Variants in ACSL1 observed in about 807,000 individuals in gnomAD.
The protein encoded by ACSL1 is acyl-CoA synthetase long chain family member 1.
A neutral mutation model predicts 98.4 loss-of-function variants in ACSL1; 41 were observed. The ratio of observed to expected loss-of-function variants is 0.42; its 90% CI spans 0.32 to 0.54. The LOEUF (loss-of-function observed/expected upper bound fraction) is 0.54, where lower values mean the gene tolerates loss of function less well. Among genes scored for constraint, ACSL1 ranks in the 20% least tolerant of loss-of-function variants. ACSL1 has a pLI of 0.13. For synonymous variants in ACSL1, 316 were observed against 322.7 expected, an observed-to-expected ratio of 0.98 and a Z score of 0.22; for missense variants, 734 against 883.1, an observed-to-expected ratio of 0.83 and a Z score of 2.14.
At position 184,803,417 on chromosome 4, in the gene ACSL1, A is replaced by C; in HGVS notation, c.98T>G (p.Phe33Cys). Residue 33 changes from phenylalanine to cysteine, a missense_variant, in exon 2 of 21, where the codon TTC becomes TGC. Phe to Cys is a radical substitution (Grantham distance 205, BLOSUM62 -2). Coordinates refer to ENST00000281455, the MANE Select transcript of ACSL1 (RefSeq NM_001995.5). The surrounding 1 kb of genome is among the most constrained non-coding windows in gnomAD (Gnocchi z 4.8). Reference protein sequence around the residue: ...RTLPTNTLMGFGAFAALTTFW... With the variant: ...RTLPTNTLMGCGAFAALTTFW... ...GGTGGTGAGTGCTGCAAAAGCTCCG[A>C]AGCCCATAAGCGTGTTGGTCGGAAG... 1 of 1,614,018 alleles carries C rather than the reference A, an allele frequency of 6.2e-7. No homozygotes were observed. Among genetic ancestry groups the C allele is most frequent in the Non-Finnish European group, 8.5e-7 (1 of 1,179,978 alleles).
At chr4:184,818,263 AG>A (rs1261195663) in intron 1 of ACSL1, among the ~76,000 whole-genome samples, 1 of 152,182 alleles carries the variant, frequency 6.6e-6, no homozygotes, top group Admixed American at 6.5e-5. Flanking sequence ...CAAGAATACC[AG>A]GTAAAGGAAG....
intron 12 of ACSL1, chr4:184,768,048 T>C (rs2150299529): frequency 2.1e-6 from 1 of 478,586 alleles, no homozygotes; most frequent in South Asian, 4.3e-5. Flanking sequence ...TCAAAGTGTT[T>C]ATTGTAAAAA....
At chr4:184,800,078 T>C (rs1384310626) in intron 2 of ACSL1, among the ~76,000 whole-genome samples, 3 of 152,214 alleles carry the variant, frequency 2.0e-5, no homozygotes, top group Non-Finnish European at 4.4e-5. Flanking sequence ...GACTCAGTTT[T>C]CTTGTGTATA....
At chr4:184,780,039 A>G (rs1437320645) in intron 5 of ACSL1, among the ~76,000 whole-genome samples, 2 of 151,962 alleles carry the variant, frequency 1.3e-5, no homozygotes, top group East Asian at 3.9e-4. Flanking sequence ...GGCCTGGCTA[A>G]TTTTGTATTT....
rs1216495810 is a variant in ACSL1 at position 184,766,124 on chromosome 4, C to T, written c.1264-138G>A. On this transcript the variant is annotated intron_variant, in intron 13 of 20. Coordinates refer to ENST00000281455, the MANE Select transcript of ACSL1 (RefSeq NM_001995.5). The surrounding 1 kb of genome is among the most constrained non-coding windows in gnomAD (Gnocchi z 4.8). ...ACACGGAGGCCACACGGAGAACTCA[C>T]AGCCCTCATGATGGCAGCACAGGGC... 8 of 738,282 alleles carry T rather than the reference C, an allele frequency of 1.1e-5. No individual in the cohort carries two copies. Among genetic ancestry groups the T allele is most frequent in the Non-Finnish European group, 1.8e-5 (8 of 443,578 alleles). The allele number at this position is 738,282 out of a possible 1,614,324, so 45.7% of individuals were successfully genotyped here. A position where few individuals can be genotyped will look rare whatever the true frequency, so the allele number is the denominator to read the frequency against.
At chr4:184,767,955 C>T (rs1043202885) in intron 12 of ACSL1, 16 of 370,124 alleles carry the variant, frequency 4.3e-5, no homozygotes, top group African/African-American at 1.3e-4. Context: ...ACTATTCTTA[C>T]GTGATCCCAT....
intron 18 of ACSL1, chr4:184,758,145 A>T: frequency 2.0e-6 from 1 of 511,680 alleles, no homozygotes; most frequent in South Asian, 3.1e-5. Flanking sequence ...TAATGTTTTT[A>T]AAAAACCACT....
At chr4:184,787,345 G>C (rs570519780) in intron 3 of ACSL1, among the ~76,000 whole-genome samples, 7 of 152,338 alleles carry the variant, frequency 4.6e-5, no homozygotes, top group East Asian at 1.9e-4. Context: ...CTCGGGCTAG[G>C]GGGGCAGAAT....
At chr4:184,769,070 AATATATATATAT>A (rs34360556) in intron 11 of ACSL1, among the ~76,000 whole-genome samples, 3 of 147,652 alleles carry the variant, frequency 2.0e-5, no homozygotes, top group African/African-American at 7.6e-5. Context: ...CTCTGTCTCA[AATATATATATAT>A]ATATATATAT....
rs1374812509 is a variant in ACSL1, at chr4:184,780,992, AC to A, written c.376-560del. Among the ~76,000 whole-genome samples, 3 of 149,534 alleles carry A rather than the reference AC, an allele frequency of 2.0e-5. No homozygotes were observed. In the East Asian group the frequency reaches 5.9e-4, roughly 29 times the overall value. The stretch of plus-strand genomic sequence containing the variant: ...GGTGGTTCACGCCTATAATCCCAGC[AC>A]TTTGGGAGGCCGAGGCAGGCAGATC... On this transcript the variant is annotated intron_variant, in intron 4 of 20. Transcript: ENST00000281455.
chr4:184,806,865 C>T lies in ACSL1; in HGVS notation c.-32-3319G>A, dbSNP rs1258785164. On this transcript the variant is annotated intron_variant, in intron 1 of 20. Transcript: ENST00000281455. Reference sequence around the variant, plus strand: ...TAAATGGCAGCCAGGTAACAAGCTGCAAGCCAACTTCACTGAACAAACTGA... The same window carrying T: ...TAAATGGCAGCCAGGTAACAAGCTGTAAGCCAACTTCACTGAACAAACTGA... Among the ~76,000 whole-genome samples the T allele has an allele frequency of 4.6e-5, 7 of 152,192 alleles. No individual in the cohort carries two copies. The South Asian group carries it at 1.2e-3, about 27-fold the overall frequency.
chr4:184,758,323 C>G (rs1762393809), intron 18 of ACSL1: 1 of 181,704 alleles, frequency 5.5e-6, no homozygotes. Flanking sequence ...CGTTGGGAAG[C>G]CAATGGGGAT....
chr4:184,808,562 A>G, intron 1 of ACSL1: 7 of 946,482 alleles, frequency 7.4e-6, no homozygotes, highest in East Asian at 1.2e-4. Context: ...CTCCCCTTGT[A>G]CAATAGGCTA....
At chr4:184,758,474 G>C (rs1762416863) in intron 18 of ACSL1, 1 of 152,908 alleles carries the variant, frequency 6.5e-6, no homozygotes, top group South Asian at 2.0e-4. Context: ...AGGATCCCCT[G>C]GAACCCAGCA....
rs1268938911 is a variant in ACSL1, at chr4:184,773,258, A to G, written c.842-104T>C. 3.0e-6 allele frequency: 3 copies of G among 1,013,704 alleles called. No homozygotes were observed. The highest frequency in any genetic ancestry group is 1.5e-5 in the South Asian group (1 of 68,878). The allele number at this position is 1,013,704 out of a possible 1,614,324, so 62.8% of individuals were successfully genotyped here. On this transcript the variant is annotated intron_variant, in intron 9 of 20. Coordinates refer to ENST00000281455, the MANE Select transcript of ACSL1 (RefSeq NM_001995.5). The surrounding 1 kb of genome is among the most constrained non-coding windows in gnomAD (Gnocchi z 4.3). ...GCTTCAGACACCTCTACTGTTAGAT[A>G]TATCGTGAAAACCAAATGTTGAACA...
intron 3 of ACSL1, 39 bp downstream of exon 3, chr4:184,788,578 C>T (rs374035092): frequency 7.3e-6 from 11 of 1,503,266 alleles, no homozygotes; most frequent in South Asian, 4.5e-5. Context: ...TCATGAAACA[C>T]GGCGAGCGGG....
intron 11 of ACSL1, chr4:184,770,130 A>C (rs1295457656): frequency 2.2e-6 from 2 of 921,336 alleles, no homozygotes; most frequent in South Asian, 1.8e-5. Flanking sequence ...TGAGTGATTA[A>C]ATTCCAGTAT....
chr4:184,814,637 G>A (rs898369005), intron 1 of ACSL1, among the ~76,000 whole-genome samples: 1 of 152,092 alleles, frequency 6.6e-6, no homozygotes, highest in Non-Finnish European at 1.5e-5. Context: ...ACTATTAGCT[G>A]TATTTTTAAA....
intron 1 of ACSL1, among the ~76,000 whole-genome samples, chr4:184,810,116 T>C (rs1771901698): frequency 6.6e-6 from 1 of 152,246 alleles, no homozygotes; most frequent in Non-Finnish European, 1.5e-5. Flanking sequence ...ACTCTATTTA[T>C]AGCTTTTTAA....
Sources: gnomAD v4.1 joint callset for allele counts (sites outside exome capture counted in the v4.1 genomes callset) on GRCh38, gnomAD v4.1.1 for gene constraint, Gnocchi (gnomAD v3.1) non-coding constraint, MANE v1.5 for transcripts, NCBI Gene and HGNC (gene_info 2026-07-23, HGNC 2026-07-21) for gene names.